VPS37A: variants seen among roughly 807,000 people sequenced by gnomAD.
The protein encoded by VPS37A is VPS37A subunit of ESCRT-I, also known as vacuolar protein sorting-associated protein 37A.
A neutral mutation model predicts 49.8 loss-of-function variants in VPS37A; 30 were observed. The ratio of observed to expected loss-of-function variants is 0.60; its 90% CI spans 0.45 to 0.82. The LOEUF (loss-of-function observed/expected upper bound fraction) is 0.82. Ranked by LOEUF, VPS37A falls within the 40% of genes least tolerant of loss-of-function variation. The probability of loss-of-function intolerance (pLI) is 0.00; values close to 1 mark genes in which losing one functional copy is unlikely to be tolerated. For synonymous variants in VPS37A, 195 were observed against 160.6 expected, an observed-to-expected ratio of 1.21 and a Z score of -1.62; for missense variants, 593 against 464.4, an observed-to-expected ratio of 1.28 and a Z score of -2.55.
the VPS37A span, among the ~76,000 whole-genome samples, chr8:17,318,781 A>G: frequency 6.6e-6 from 1 of 152,154 alleles, no homozygotes; most frequent in East Asian, 1.9e-4. Flanking sequence ...TCTGATGGCC[A>G]GTTCTGTGCC....
the VPS37A span, among the ~76,000 whole-genome samples, chr8:17,327,676 T>A: frequency 6.6e-6 from 1 of 152,192 alleles, no homozygotes; most frequent in Non-Finnish European, 1.5e-5. Flanking sequence ...AAATATATTA[T>A]GTCTGTCTAA....
At chr8:17,280,000 A>G (rs778810366) in intron 6 of VPS37A, 28 bp from the exon 7 acceptor site, 4 of 1,607,494 alleles carry the variant, frequency 2.5e-6, no homozygotes, top group Admixed American at 1.7e-5. Context: ...TCTGATATTT[A>G]TTGACATTTT....
the VPS37A span, among the ~76,000 whole-genome samples, chr8:17,324,230 C>A: frequency 2.0e-5 from 3 of 152,184 alleles, no homozygotes; most frequent in Admixed American, 6.5e-5. Flanking sequence ...CAATGCCTGG[C>A]ATATAGAACA....
chr8:17,314,729 A>G, the VPS37A span, among the ~76,000 whole-genome samples: 2 of 152,212 alleles, frequency 1.3e-5, no homozygotes, highest in East Asian at 3.8e-4. Flanking sequence ...TATTATGAAT[A>G]TGTTCAGGCA....
intron 4 of VPS37A, 126 bp downstream of exon 4, chr8:17,269,082 C>T (rs1477066018): frequency 1.5e-6 from 1 of 650,872 alleles, no homozygotes; most frequent in East Asian, 2.9e-5. Flanking sequence ...CAAATACATC[C>T]ATACTTTCAG....
downstream of VPS37A, chr8:17,304,638 G>A (rs1204524424): frequency 1.2e-5 from 12 of 998,994 alleles, no homozygotes; most frequent in South Asian, 3.2e-5. Context: ...GTGTCTGTTC[G>A]ATAGCAGGTA....
downstream of VPS37A, chr8:17,306,006 G>C: frequency 6.8e-7 from 1 of 1,472,312 alleles, no homozygotes; most frequent in Admixed American, 1.9e-5. Flanking sequence ...TATTTTTAAA[G>C]TACAAAGCCA....
At chr8:17,258,508 G>T (rs920782688) in intron 1 of VPS37A, among the ~76,000 whole-genome samples, 3 of 152,088 alleles carry the variant, frequency 2.0e-5, no homozygotes, top group African/African-American at 7.2e-5. Flanking sequence ...AATGGTGAAT[G>T]ATCTTTTTTA....
downstream of VPS37A, among the ~76,000 whole-genome samples, chr8:17,306,737 T>TC (rs1347635395): frequency 3.9e-5 from 6 of 152,164 alleles, no homozygotes; most frequent in Non-Finnish European, 8.8e-5. Context: ...TTTAGAGTTT[T>TC]CCCAAGAGTG....
chr8:17,272,507 G>T (rs77776746), intron 4 of VPS37A, among the ~76,000 whole-genome samples: 1 of 152,098 alleles, frequency 6.6e-6, no homozygotes, highest in Non-Finnish European at 1.5e-5. Flanking sequence ...TTTCAGATAA[G>T]TTCGGGGATA....
chr8:17,273,023 CTT>C (rs1166192119), intron 4 of VPS37A, among the ~76,000 whole-genome samples: 187 of 43,826 alleles, frequency 4.3e-3, no homozygotes, highest in African/African-American at 0.017. Flanking sequence ...TTTGCCCTTC[CTT>C]TTTTTTTTTT....
Position 17,296,744 on chromosome 8 carries a change from A to AAAAG in VPS37A, c.*1762_*1765dup, listed in dbSNP as rs1377848442. 6.6e-6 allele frequency: 1 copy of AAAAG among 152,212 alleles called. No homozygotes were observed. The highest frequency in any genetic ancestry group is 2.4e-5 in the African/African-American group (1 of 41,464). 9.4% of individuals were successfully genotyped at this position (152,212 alleles called of 1,614,324 possible). A position where few individuals can be genotyped will look rare whatever the true frequency, so the allele number is the denominator to read the frequency against. ...TCCTTTTCACCAGAAAAACAGAAAA[A>AAAAG]AAAGAAACATTTTCTTACAGAGTAA... On this transcript the variant is annotated 3_prime_UTR_variant, in exon 12 of 12. Transcript: ENST00000324849.
downstream of VPS37A, chr8:17,302,245 C>T (rs763464269): frequency 3.7e-6 from 6 of 1,613,902 alleles, no homozygotes; most frequent in Non-Finnish European, 3.4e-6. Context: ...GGGCTGCATC[C>T]CCTTTTCAAA....
At chr8:17,277,484 C>A (rs1405071612) in intron 6 of VPS37A, among the ~76,000 whole-genome samples, 1 of 151,988 alleles carries the variant, frequency 6.6e-6, no homozygotes, top group Non-Finnish European at 1.5e-5. Flanking sequence ...CAGCTATAAA[C>A]CCTTTTGCTC....
chr8:17,267,834 C>G (rs536698252), intron 2 of VPS37A, among the ~76,000 whole-genome samples: 2 of 152,148 alleles, frequency 1.3e-5, no homozygotes, highest in Non-Finnish European at 2.9e-5. Context: ...GCCGTGACAG[C>G]ATTCTCAAAG....
At chr8:17,321,353 G>A in the VPS37A span, among the ~76,000 whole-genome samples, 2 of 152,196 alleles carry the variant, frequency 1.3e-5, no homozygotes, top group Admixed American at 1.3e-4. Context: ...ACAGGCTGCT[G>A]TGGCTCTCAC....
intron 1 of VPS37A, among the ~76,000 whole-genome samples, chr8:17,254,324 G>A (rs1301955402): frequency 6.6e-6 from 1 of 152,100 alleles, no homozygotes; most frequent in Non-Finnish European, 1.5e-5. Context: ...AACTTCCTGA[G>A]GAGTCTCCGC....
At chr8:17,302,192 T>C (rs1349242395), downstream of VPS37A, 3 of 1,614,038 alleles carry the variant, frequency 1.9e-6, no homozygotes, top group Non-Finnish European at 1.7e-6. Flanking sequence ...AGCTGCTGAG[T>C]TTCTTCCTTC....
chr8:17,300,800 T>C (rs540144104), downstream of VPS37A, among the ~76,000 whole-genome samples: 2 of 152,250 alleles, frequency 1.3e-5, no homozygotes, highest in Non-Finnish European at 2.9e-5. Flanking sequence ...CCCTGGCTAC[T>C]ACTGATCAAC....
Sources: allele counts gnomAD v4.1 joint callset (sites outside exome capture counted in the v4.1 genomes callset), GRCh38; gene constraint gnomAD v4.1.1; transcripts MANE v1.5; gene names NCBI Gene and HGNC (gene_info 2026-07-23, HGNC 2026-07-21).